Variants in COLGALT2 observed in about 807,000 individuals in gnomAD.
COLGALT2 encodes the protein collagen beta(1-O)galactosyltransferase 2.
In COLGALT2, 49 loss-of-function variants were observed where a neutral mutation model predicts 73.4. The ratio of observed to expected loss-of-function variants is 0.67; its 90% CI spans 0.53 to 0.85. The LOEUF (loss-of-function observed/expected upper bound fraction) is 0.85, where lower values mean the gene tolerates loss of function less well. COLGALT2 is among the 40% of genes least tolerant of loss of function. The pLI, the probability that COLGALT2 is intolerant of heterozygous loss-of-function variation, is 0.00. For missense variants in COLGALT2, 722 were observed against 790.2 expected (o/e 0.91, Z 1.03); for synonymous variants, 295 against 307.6 (o/e 0.96, Z 0.43).
chr1:183,934,715 A>T (rs1047311748), downstream of COLGALT2, among the ~76,000 whole-genome samples: 1 of 152,190 alleles, frequency 6.6e-6, no homozygotes, highest in African/African-American at 2.4e-5. Context: ...CCTCCTGGGA[A>T]GACACATCTT....
At chr1:183,975,608 C>T (rs1039706477) in intron 2 of COLGALT2, among the ~76,000 whole-genome samples, 17 of 152,112 alleles carry the variant, frequency 1.1e-4, no homozygotes, top group Non-Finnish European at 4.4e-5. Flanking sequence ...TTATACATCC[C>T]GACATCGAAT....
chr1:183,938,271 A>T lies in COLGALT2; in HGVS notation c.*490T>A, dbSNP rs1485861294. 4 of 981,646 alleles carry T rather than the reference A, an allele frequency of 4.1e-6. No homozygotes were observed. Among genetic ancestry groups the T allele is most frequent in the East Asian group, 1.2e-4 (1 of 8,550 alleles). The allele number at this position is 981,646 out of a possible 1,614,324, so 60.8% of individuals were successfully genotyped here. On this transcript the variant is annotated 3_prime_UTR_variant, in exon 12 of 12. Transcript: ENST00000361927. Reference sequence around the variant, plus strand: ...CCTTTAAATAAAAAGCCAAATAAATATGATTTTAAGTGATTCCTGTCCCCC... The same window carrying T: ...CCTTTAAATAAAAAGCCAAATAAATTTGATTTTAAGTGATTCCTGTCCCCC...
intron 1 of COLGALT2, among the ~76,000 whole-genome samples, chr1:183,994,202 C>T (rs535439191): frequency 8.6e-5 from 13 of 151,646 alleles, no homozygotes; most frequent in African/African-American, 2.7e-4. Context: ...CCACACTCTA[C>T]TAATTTTTTG....
downstream of COLGALT2, among the ~76,000 whole-genome samples, chr1:183,934,534 C>T (rs921373186): frequency 6.6e-6 from 1 of 152,224 alleles, no homozygotes; most frequent in African/African-American, 2.4e-5. Context: ...GTTTTCAGAA[C>T]GTGTCACCCC....
Position 183,943,716 on chromosome 1 carries a change from C to T in COLGALT2, c.1397+480G>A, listed in dbSNP as rs1670175080. 2.0e-5 allele frequency among the ~76,000 whole-genome samples: 3 copies of T among 152,294 alleles called. No homozygotes were observed. The South Asian group carries it at 6.2e-4, about 32-fold the overall frequency. On this transcript the variant is annotated intron_variant, in intron 10 of 11. Coordinates refer to ENST00000361927, the MANE Select transcript of COLGALT2 (RefSeq NM_015101.4). ...ATGTTTGTGCAGCCCCATTTCCCAA[C>T]AGAGGAGCTCCCTGGCTGACCCTCT... is the stretch of plus-strand genomic sequence containing the variant.
chr1:183,966,084 C>T (rs1158970946), intron 5 of COLGALT2, among the ~76,000 whole-genome samples: 1 of 152,138 alleles, frequency 6.6e-6, no homozygotes, highest in Non-Finnish European at 1.5e-5. Flanking sequence ...AAAGTGGTTG[C>T]CTTCTGGAGG....
At chr1:184,004,132 T>C (rs1007408763) in intron 1 of COLGALT2, among the ~76,000 whole-genome samples, 1 of 152,296 alleles carries the variant, frequency 6.6e-6, no homozygotes. Flanking sequence ...CTTCACATCT[T>C]CCAAATAGTA....
chr1:183,985,872 C>T (rs1410625205), intron 1 of COLGALT2, among the ~76,000 whole-genome samples: 1 of 152,144 alleles, frequency 6.6e-6, no homozygotes, highest in East Asian at 1.9e-4. Flanking sequence ...TTTTCCAATT[C>T]GAGACTTCAA....
At chr1:184,013,422 T>G (rs1190678789) in intron 1 of COLGALT2, among the ~76,000 whole-genome samples, 1 of 152,150 alleles carries the variant, frequency 6.6e-6, no homozygotes, top group Non-Finnish European at 1.5e-5. Context: ...GAAGGTGTGG[T>G]CTGTTACAAA....
intron 1 of COLGALT2, among the ~76,000 whole-genome samples, chr1:184,002,501 G>T (rs1671958861): frequency 6.6e-6 from 1 of 152,218 alleles, no homozygotes; most frequent in Non-Finnish European, 1.5e-5. Context: ...CTGCTTTGTA[G>T]CGACAGGAAG....
intron 1 of COLGALT2, among the ~76,000 whole-genome samples, chr1:183,981,723 T>C (rs1408688919): frequency 2.6e-5 from 4 of 152,190 alleles, no homozygotes; most frequent in Non-Finnish European, 2.9e-5. Flanking sequence ...ATTATAGTTT[T>C]TAATTGGTTT....
intron 1 of COLGALT2, among the ~76,000 whole-genome samples, chr1:184,023,130 T>C (rs1558341393): frequency 6.6e-6 from 1 of 152,224 alleles, no homozygotes; most frequent in Non-Finnish European, 1.5e-5. Flanking sequence ...GTCAAAGAGT[T>C]ACTAAGGGGA....
chr1:184,035,217 T>C (rs1649635661), intron 1 of COLGALT2, among the ~76,000 whole-genome samples: 1 of 152,200 alleles, frequency 6.6e-6, no homozygotes, highest in Admixed American at 6.5e-5. Context: ...CCTAATTATA[T>C]TGCAAAATCT....
intron 1 of COLGALT2, among the ~76,000 whole-genome samples, chr1:183,998,745 T>C (rs550773473): frequency 6.6e-6 from 1 of 152,118 alleles, no homozygotes; most frequent in African/African-American, 2.4e-5. Flanking sequence ...ATGTTTTTAA[T>C]AAAGTTTCAG....
intron 1 of COLGALT2, among the ~76,000 whole-genome samples, chr1:183,990,479 G>A (rs1671602199): frequency 1.3e-5 from 2 of 152,198 alleles, no homozygotes; most frequent in South Asian, 2.1e-4. Context: ...AGATGGACAG[G>A]AAATACAGAT....
intron 1 of COLGALT2, among the ~76,000 whole-genome samples, chr1:184,033,871 A>T (rs1426514574): frequency 1.3e-5 from 2 of 152,212 alleles, no homozygotes; most frequent in Non-Finnish European, 2.9e-5. Flanking sequence ...GGTCAGATTC[A>T]GAGGAAGCTG....
intron 9 of COLGALT2, among the ~76,000 whole-genome samples, chr1:183,944,578 AT>A (rs1337604809): frequency 1.3e-5 from 2 of 152,202 alleles, no homozygotes; most frequent in African/African-American, 4.8e-5. Context: ...ATACTGCATG[AT>A]TCCATTCATA....
At chr1:183,980,003 G>GT (rs1363718967) in intron 1 of COLGALT2, among the ~76,000 whole-genome samples, 2 of 151,910 alleles carry the variant, frequency 1.3e-5, no homozygotes, top group Non-Finnish European at 2.9e-5. Context: ...TTATAAAGTT[G>GT]TTTTTTAAAA....
At chr1:184,019,345 G>T (rs2102853704) in intron 1 of COLGALT2, among the ~76,000 whole-genome samples, 1 of 152,278 alleles carries the variant, frequency 6.6e-6, no homozygotes, top group African/African-American at 2.4e-5. Context: ...TTTTCCTCAG[G>T]ACAGAGCTAA....
Sources: gnomAD v4.1 joint callset for allele counts (sites outside exome capture counted in the v4.1 genomes callset) on GRCh38, gnomAD v4.1.1 for gene constraint, MANE v1.5 for transcripts, NCBI Gene and HGNC (gene_info 2026-07-23, HGNC 2026-07-21) for gene names.